The following CEACAM20 variants were observed in gnomAD, a reference collection of about 807,000 sequenced individuals.
The protein encoded by CEACAM20 is cell adhesion molecule CEACAM20.
CEACAM20 carries 50 observed loss-of-function variants against 61.2 expected under a neutral mutation model. The ratio of observed to expected loss-of-function variants is 0.82; its 90% CI spans 0.65 to 1.03. CEACAM20 has a LOEUF of 1.03. Among genes scored for constraint, CEACAM20 ranks in the 50% least tolerant of loss-of-function variants. The probability of loss-of-function intolerance (pLI) is 0.00; values close to 1 mark genes in which losing one functional copy is unlikely to be tolerated. For missense variants in CEACAM20, 683 were observed against 736.4 expected, an observed-to-expected ratio of 0.93 and a Z score of 0.84; for synonymous variants, 282 against 287.7, an observed-to-expected ratio of 0.98 and a Z score of 0.20.
rs565199093 is a variant in CEACAM20 at position 44,521,488 on chromosome 19, T to C, written c.752-736A>G. 1.5e-4 allele frequency among the ~76,000 whole-genome samples: 23 copies of C among 152,256 alleles called. No homozygotes were observed. In the South Asian group the frequency reaches 3.7e-3, roughly 25 times the overall value. On this transcript the variant is annotated intron_variant, in intron 4 of 11. Transcript: ENST00000614924. ...GATATGTATGTCTGCGTTTTGTATGTCATGTGTGTTGTACATGTGTTGTAT... is the reference window on the plus strand; with the variant it reads ...GATATGTATGTCTGCGTTTTGTATGCCATGTGTGTTGTACATGTGTTGTAT...
At chr19:44,518,166 G>GTAA (rs1971244981) in intron 5 of CEACAM20, among the ~76,000 whole-genome samples, 1 of 33,496 alleles carries the variant, frequency 3.0e-5, no homozygotes, top group Non-Finnish European at 8.1e-5. Context: ...AAGGAAGGAA[G>GTAA]GAAGAAAGCA....
intron 2 of CEACAM20, 109 bp from the exon 3 acceptor site, chr19:44,524,370 A>G: frequency 8.1e-7 from 1 of 1,234,792 alleles, no homozygotes; most frequent in East Asian, 2.3e-5. Context: ...AATTGCCAGA[A>G]GACTCTCTGG....
chr19:44,529,283 C>G (rs1971636628), intron 1 of CEACAM20, among the ~76,000 whole-genome samples, 175 bp downstream of exon 1: 1 of 151,616 alleles, frequency 6.6e-6, no homozygotes, highest in African/African-American at 2.4e-5. Context: ...ATATCTGTAT[C>G]TGTCTTTATT....
At chr19:44,519,026 C>T (rs1173492913) in intron 5 of CEACAM20, among the ~76,000 whole-genome samples, 1 of 152,150 alleles carries the variant, frequency 6.6e-6, no homozygotes, top group Admixed American at 6.6e-5. Context: ...AGATTCCATC[C>T]TTGTTACACT....
Position 44,529,516 on chromosome 19 carries a change from C to T in CEACAM20, c.-7G>A, listed in dbSNP as rs775357283. 6.5e-5 allele frequency: 105 copies of T among 1,613,560 alleles called. No individual in the cohort carries two copies. Among genetic ancestry groups the T allele is most frequent in the East Asian group, 8.9e-5 (4 of 44,870 alleles). On this transcript the variant is annotated 5_prime_UTR_variant, in exon 1 of 12. Coordinates refer to ENST00000614924, the MANE Select transcript of CEACAM20 (RefSeq NM_001102597.3). ...ATGAGTCAGCAGGCCCCATGGGTCC[C>T]GGCACCTGACTTCAGTGTGCCAGGC...
chr19:44,512,842 G>A (rs774565722), intron 8 of CEACAM20, 26 bp downstream of exon 8: 8 of 1,593,186 alleles, frequency 5.0e-6, no homozygotes, highest in East Asian at 2.2e-5. Flanking sequence ...CCTGCCCCAG[G>A]CATCAGCCAC....
intron 6 of CEACAM20, among the ~76,000 whole-genome samples, 152 bp downstream of exon 6, chr19:44,516,794 G>T (rs1483356491): frequency 6.6e-6 from 1 of 152,172 alleles, no homozygotes; most frequent in Non-Finnish European, 1.5e-5. Flanking sequence ...GACCACTAGG[G>T]GTTGGGATTC....
chr19:44,514,175 T>C (rs1971088936), intron 6 of CEACAM20, among the ~76,000 whole-genome samples: 1 of 152,182 alleles, frequency 6.6e-6, no homozygotes, highest in African/African-American at 2.4e-5. Context: ...CATCTGTAAA[T>C]AGCACAGGAT....
intron 1 of CEACAM20, among the ~76,000 whole-genome samples, chr19:44,527,172 ATAG>A (rs796158463): frequency 2.6e-5 from 4 of 152,190 alleles, no homozygotes; most frequent in East Asian, 1.9e-4. Context: ...AATGGAGATA[ATAG>A]TAGAACTCAG....
At chr19:44,510,548 GA>G (rs1412010447) in intron 11 of CEACAM20, among the ~76,000 whole-genome samples, 11 of 13,058 alleles carry the variant, frequency 8.4e-4, no homozygotes, top group South Asian at 5.2e-3. Context: ...AGGAAGGAAG[GA>G]AAGAAAGAAA....
In CEACAM20 at chr19:44,517,167, A is replaced by G. The variant is rs755568986; in HGVS notation, c.1088T>C (p.Ile363Thr). The G allele has an allele frequency of 1.1e-5, 17 of 1,612,708 alleles. No individual in the cohort carries two copies. The highest frequency in any genetic ancestry group is 5.3e-5 in the African/African-American group (4 of 74,874). ...CAGGCTGGAGTTGAGCTCTGCCTCT[A>G]TGGTGCTGATCATCTCAGATGCCGA... ...RESASEMIST[I>T]EAELNSSLTL... Residue 363 changes from isoleucine (I) to threonine (T), a missense_variant, in exon 6 of 12, where the codon ATA (isoleucine) becomes ACA (threonine). By Grantham distance (89) the Ile-to-Thr change is moderately conservative (BLOSUM62 -1). Coordinates refer to ENST00000614924, the MANE Select transcript of CEACAM20 (RefSeq NM_001102597.3).
intron 4 of CEACAM20, among the ~76,000 whole-genome samples, chr19:44,521,874 G>A (rs1286967202): frequency 6.6e-6 from 1 of 152,084 alleles, no homozygotes; most frequent in African/African-American, 2.4e-5. Flanking sequence ...TGTGTACGGA[G>A]TGTGTGAATG....
At chr19:44,510,614 GGAAGGAAGGAAGAAAGAA>G (rs1970965101) in intron 11 of CEACAM20, among the ~76,000 whole-genome samples, 1 of 80,778 alleles carries the variant, frequency 1.2e-5, no homozygotes, top group African/African-American at 5.8e-5. Context: ...GAAAGAAAAA[GGAAGGAAGGAAGAAAGAA>G]AGAGAAGAAA....
intron 5 of CEACAM20, among the ~76,000 whole-genome samples, chr19:44,518,166 G>GAAA (rs1971244981): frequency 3.0e-5 from 1 of 33,496 alleles, no homozygotes; most frequent in Non-Finnish European, 8.1e-5. Flanking sequence ...AAGGAAGGAA[G>GAAA]GAAGAAAGCA....
intron 5 of CEACAM20, among the ~76,000 whole-genome samples, chr19:44,517,696 C>CA (rs1165418272): frequency 0.028 from 1,823 of 65,708 alleles, 24 homozygotes; most frequent in African/African-American, 0.06. Flanking sequence ...GATTCCATCT[C>CA]AAAAAAAAAA....
chr19:44,519,385 G>A (rs1164421920), intron 5 of CEACAM20, among the ~76,000 whole-genome samples: 2 of 152,184 alleles, frequency 1.3e-5, no homozygotes, highest in African/African-American at 4.8e-5. Context: ...TTTAATGACT[G>A]AATTGAAAAG....
At chr19:44,506,406 T>C (rs575305127) in intron 11 of CEACAM20, among the ~76,000 whole-genome samples, 192 bp from the exon 12 acceptor site, 362 of 152,318 alleles carry the variant, frequency 2.4e-3, no homozygotes, top group African/African-American at 7.8e-3. Context: ...ACTTCCCCAC[T>C]GTGGTAAACA....
At chr19:44,516,223 A>G (rs1412503435) in intron 6 of CEACAM20, among the ~76,000 whole-genome samples, 1 of 152,172 alleles carries the variant, frequency 6.6e-6, no homozygotes, top group East Asian at 1.9e-4. Flanking sequence ...TCCAGTTGTT[A>G]TTAACATCAT....
intron 3 of CEACAM20, among the ~76,000 whole-genome samples, 183 bp downstream of exon 3, chr19:44,523,803 G>A (rs568028192): frequency 2.0e-5 from 3 of 152,160 alleles, no homozygotes; most frequent in South Asian, 2.1e-4. Context: ...GCTGTACCTC[G>A]TTTGCTTCAC....
Sources: allele counts gnomAD v4.1 joint callset (sites outside exome capture counted in the v4.1 genomes callset), GRCh38; gene constraint gnomAD v4.1.1; transcripts MANE v1.5; gene names NCBI Gene and HGNC (gene_info 2026-07-23, HGNC 2026-07-21).